Variants in MTUS2 observed in about 807,000 individuals in gnomAD.
MTUS2 encodes microtubule associated scaffold protein 2.
Under a neutral mutation model 114.1 loss-of-function variants are expected in MTUS2, and 40 were observed. The ratio of observed to expected loss-of-function variants is 0.35; its 90% CI spans 0.27 to 0.46. MTUS2 has a LOEUF of 0.46. Among genes scored for constraint, MTUS2 ranks in the 20% least tolerant of loss-of-function variants. MTUS2 has a pLI of 1.00. For missense variants in MTUS2, 1,679 were observed against 1,705.4 expected (o/e 0.98, Z 0.27); for synonymous variants, 688 against 672.0 (o/e 1.02, Z -0.37).
chr13:29,042,084 A>G (rs758403036), intron 4 of MTUS2, among the ~76,000 whole-genome samples: 3 of 152,152 alleles, frequency 2.0e-5, no homozygotes, highest in Non-Finnish European at 4.4e-5. Context: ...CCCATTCAGT[A>G]TAATGTTGGC....
intron 8 of MTUS2, among the ~76,000 whole-genome samples, chr13:29,402,910 T>C (rs1040262144): frequency 1.3e-5 from 2 of 152,188 alleles, no homozygotes; most frequent in Admixed American, 1.3e-4. Context: ...CTAATTTTTG[T>C]ATTTTTAGTA....
At chr13:29,137,878 G>A (rs1442491676) in intron 5 of MTUS2, among the ~76,000 whole-genome samples, 1 of 150,984 alleles carries the variant, frequency 6.6e-6, no homozygotes, top group Admixed American at 6.6e-5. Flanking sequence ...GCAGTTGAAT[G>A]TCCTAATCTT....
Position 29,389,902 on chromosome 13 carries a change from CATATGTGTATATATGTATGT to C in MTUS2, c.3117+30460_3117+30479del, listed in dbSNP as rs1244746949. Among the ~76,000 whole-genome samples the C allele has an allele frequency of 6.5e-3, 569 of 87,414 alleles. 133 individuals are homozygous for C. Among genetic ancestry groups the C allele is most frequent in the African/African-American group, 0.022 (541 of 24,924 alleles). 57.3% of individuals were successfully genotyped at this position (87,414 alleles called of 152,430 possible). A position where few individuals can be genotyped will look rare whatever the true frequency, so the allele number is the denominator to read the frequency against. On this transcript the variant is annotated intron_variant, in intron 8 of 15. Transcript: ENST00000612955. ...ACATACATATGTGTATATATACATA[CATATGTGTATATATGTATGT>C]ATATGTGTATATATGTATGTATATG...
At chr13:29,174,188 T>C (rs142826363) in intron 5 of MTUS2, among the ~76,000 whole-genome samples, 220 of 152,268 alleles carry the variant, frequency 1.4e-3, no homozygotes, top group African/African-American at 4.3e-3. Context: ...TACCTAGAAA[T>C]ACAATGATAT....
Position 29,233,394 on chromosome 13 carries a change from A to T in MTUS2, c.2645-48310A>T, listed in dbSNP as rs116600232. Among the ~76,000 whole-genome samples the T allele has an allele frequency of 4.0e-3, 606 of 152,266 alleles. 5 individuals carry two copies. Among genetic ancestry groups the T allele is most frequent in the African/African-American group, 0.014 (575 of 41,552 alleles). Reference sequence around the variant, plus strand: ...TGACCCCACAGGCATCTTGGGACGAAGTAGGGAAGTGTACCCACCGTGAAG... The same window carrying T: ...TGACCCCACAGGCATCTTGGGACGATGTAGGGAAGTGTACCCACCGTGAAG... On this transcript the variant is annotated intron_variant, in intron 5 of 15. Coordinates refer to ENST00000612955, the MANE Select transcript of MTUS2 (RefSeq NM_001033602.4).
chr13:28,905,513 A>T (rs113162333), intron 2 of MTUS2, among the ~76,000 whole-genome samples: 4 of 151,540 alleles, frequency 2.6e-5, no homozygotes, highest in Admixed American at 6.6e-5. Flanking sequence ...TGAGATAATC[A>T]TGTGGTTTTT....
chr13:28,903,400 C>G (rs1879767758), intron 2 of MTUS2, among the ~76,000 whole-genome samples: 1 of 142,714 alleles, frequency 7.0e-6, no homozygotes, highest in Non-Finnish European at 1.5e-5. Flanking sequence ...TCTCCTAATG[C>G]TATCCCTCCC....
intron 2 of MTUS2, among the ~76,000 whole-genome samples, chr13:29,012,884 A>C (rs928063639): frequency 6.6e-6 from 1 of 152,182 alleles, no homozygotes; most frequent in South Asian, 2.1e-4. Context: ...AATAAAAAAA[A>C]GAGTGGGTCC....
chr13:29,423,159 C>T (rs1876246079), intron 8 of MTUS2, among the ~76,000 whole-genome samples: 1 of 152,156 alleles, frequency 6.6e-6, no homozygotes, highest in African/African-American at 2.4e-5. Flanking sequence ...ATTTAGGCCC[C>T]AGCCTCTGAA....
intron 5 of MTUS2, among the ~76,000 whole-genome samples, chr13:29,248,960 CAG>C (rs1724896134): frequency 6.6e-6 from 1 of 151,896 alleles, no homozygotes; most frequent in African/African-American, 2.4e-5. Flanking sequence ...ATCTTTATAA[CAG>C]AATGATTTCT....
intron 2 of MTUS2, among the ~76,000 whole-genome samples, chr13:28,910,450 C>G (rs1211603145): frequency 6.6e-6 from 1 of 152,004 alleles, no homozygotes; most frequent in Non-Finnish European, 1.5e-5. Flanking sequence ...TAAACGTATG[C>G]CATGGTGGTT....
At chr13:29,494,277 T>C (rs767197142) in intron 12 of MTUS2, among the ~76,000 whole-genome samples, 3 of 152,232 alleles carry the variant, frequency 2.0e-5, no homozygotes, top group Non-Finnish European at 4.4e-5. Flanking sequence ...GTTACATTTA[T>C]TGTGATTATT....
At chr13:29,148,473 T>TGTTCCTGCCTTAG (rs1401867326) in intron 5 of MTUS2, among the ~76,000 whole-genome samples, 2,316 of 82,308 alleles carry the variant, frequency 0.028, 244 homozygotes, top group South Asian at 0.039. Flanking sequence ...TTTGGTTTTC[T>TGTTCCTGCCTTAG]TTTTTTTTTT....
chr13:28,864,128 T>G lies in MTUS2; in HGVS notation c.-243+24278T>G, dbSNP rs1279929681. Among the ~76,000 whole-genome samples the G allele has an allele frequency of 3.3e-5, 5 of 152,324 alleles. No individual in the cohort carries two copies. In the South Asian group the frequency reaches 6.2e-4, roughly 19 times the overall value. On this transcript the variant is annotated intron_variant, in intron 2 of 15. Transcript: ENST00000612955. ...ATTGGGTTCTCCTCTTCTACCCCTT[T>G]GCCTACTTGAAAATCTATGAAGATT...
intron 5 of MTUS2, among the ~76,000 whole-genome samples, chr13:29,206,090 G>T (rs928566840): frequency 6.6e-6 from 1 of 152,068 alleles, no homozygotes; most frequent in African/African-American, 2.4e-5. Flanking sequence ...TAGATTTTTT[G>T]ATTATGGCCG....
chr13:29,112,368 C>G (rs943190679), intron 5 of MTUS2, among the ~76,000 whole-genome samples: 6 of 152,086 alleles, frequency 3.9e-5, no homozygotes, highest in African/African-American at 1.4e-4. Flanking sequence ...GCTGGTCAAG[C>G]CATCTGTGCT....
chr13:28,831,752 TTTTA>T (rs1195929218), intron 1 of MTUS2, among the ~76,000 whole-genome samples: 19 of 151,918 alleles, frequency 1.3e-4, no homozygotes, highest in Middle Eastern at 6.8e-3. Context: ...TTCCTTCCTT[TTTTA>T]TTTATTTATT....
chr13:29,355,324 G>A (rs1383875928), intron 7 of MTUS2, among the ~76,000 whole-genome samples: 2 of 152,208 alleles, frequency 1.3e-5, no homozygotes, highest in Non-Finnish European at 2.9e-5. Context: ...CTGCCACTGA[G>A]ATCAGCATGG....
intron 8 of MTUS2, among the ~76,000 whole-genome samples, chr13:29,409,280 T>C (rs1023806686): frequency 6.6e-6 from 1 of 152,150 alleles, no homozygotes; most frequent in Non-Finnish European, 1.5e-5. Context: ...TGCGCCACTG[T>C]ACTCCAGCCT....
Sources: gnomAD v4.1 joint callset for allele counts (sites outside exome capture counted in the v4.1 genomes callset) on GRCh38, gnomAD v4.1.1 for gene constraint, MANE v1.5 for transcripts, NCBI Gene and HGNC (gene_info 2026-07-23, HGNC 2026-07-21) for gene names.